Variants in BBOF1 observed in about 807,000 individuals in gnomAD.
BBOF1 encodes basal body orientation factor 1.
In BBOF1, 62 loss-of-function variants were observed where a neutral mutation model predicts 68.0. The ratio of observed to expected loss-of-function variants is 0.91; its 90% confidence interval spans 0.74 to 1.13. The LOEUF is 1.13. Ranked by LOEUF, BBOF1 falls within the 50% of genes most tolerant of loss-of-function variation. The probability of loss-of-function intolerance (pLI) is 0.00; values close to 1 mark genes in which losing one functional copy is unlikely to be tolerated. For synonymous variants in BBOF1, 208 were observed against 198.8 expected, an observed-to-expected ratio of 1.05 and a Z score of -0.39; for missense variants, 534 against 600.1, an observed-to-expected ratio of 0.89 and a Z score of 1.15.
Position 74,043,830 on chromosome 14 carries a change from G to A in BBOF1, c.577-2230G>A, listed in dbSNP as rs538090837. Among the ~76,000 whole-genome samples the A allele has an allele frequency of 4.0e-5, 6 of 151,800 alleles. No individual in the cohort carries two copies. The East Asian group carries it at 1.2e-3, about 30-fold the overall frequency. ...TTACAGGTGTGAGCCACCACTCCTG[G>A]CCTCTACATCCATATTTTTATATTG... On this transcript the variant is annotated intron_variant, in intron 5 of 11. Transcript: ENST00000394009.
At position 74,064,886 on chromosome 14, in the gene BBOF1, G is replaced by A. The variant is rs371278097; in HGVS notation, c.*187G>A. ...TCGAGAGCCGGTGAATGAGAACATTGGCAAAGGCACTGGAATGGGGACATT... is the reference window on the plus strand; with the variant it reads ...TCGAGAGCCGGTGAATGAGAACATTAGCAAAGGCACTGGAATGGGGACATT... On this transcript the variant is annotated 3_prime_UTR_variant, in exon 12 of 12. Transcript: ENST00000394009. 1.2e-6 allele frequency: 2 copies of A among 1,613,904 alleles called. No homozygotes were observed. The highest frequency in any genetic ancestry group is 1.3e-5 in the African/African-American group (1 of 74,872).
chr14:74,059,492 T>G (rs1781430604), intron 11 of BBOF1: 2 of 419,578 alleles, frequency 4.8e-6, no homozygotes, highest in South Asian at 3.4e-5. Flanking sequence ...GGTCAGGAGT[T>G]CGAGACCAGC....
downstream of BBOF1, among the ~76,000 whole-genome samples, chr14:74,068,577 G>GA (rs1055276091): frequency 7.9e-5 from 12 of 151,228 alleles, no homozygotes; most frequent in African/African-American, 2.4e-4. Context: ...TGTCTCTACT[G>GA]AAAAAAAATA....
Position 74,065,363 on chromosome 14 carries a change from G to T in BBOF1, c.*664G>T. On this transcript the variant is annotated 3_prime_UTR_variant, in exon 12 of 12. Coordinates refer to ENST00000394009, the MANE Select transcript of BBOF1 (RefSeq NM_025057.3). ...TCTTTGTAACAGGTCATATTTGGCT[G>T]CCAGGAGTGATGCATCCAGAAAAGA... 1 of 1,613,788 alleles carries T rather than the reference G, an allele frequency of 6.2e-7. No homozygotes were observed. The highest frequency in any genetic ancestry group is 1.1e-5 in the South Asian group (1 of 91,054).
At chr14:74,020,793 C>G (rs1279550044) in intron 1 of BBOF1, among the ~76,000 whole-genome samples, 1 of 152,142 alleles carries the variant, frequency 6.6e-6, no homozygotes. Context: ...CGTGAGCCAC[C>G]ATGCCCTGTC....
chr14:74,078,281 C>T (rs1595133515), exon 10 of BBOF1: 2 of 455,628 alleles, frequency 4.4e-6, no homozygotes, highest in East Asian at 6.9e-5. Context: ...GAGAAGGTAG[C>T]CAGCAAGCTC....
At chr14:74,031,209 G>C (rs1336731107) in intron 3 of BBOF1, among the ~76,000 whole-genome samples, 1 of 151,648 alleles carries the variant, frequency 6.6e-6, no homozygotes, top group Non-Finnish European at 1.5e-5. Context: ...AAACTATTGG[G>C]TTCAAGGGAT....
intron 9 of BBOF1, chr14:74,074,856 C>A: frequency 8.0e-7 from 1 of 1,257,598 alleles, no homozygotes. Context: ...TAGAAAGTTT[C>A]ACATACACTC....
At chr14:74,066,781 A>G, downstream of BBOF1, 5 of 1,614,006 alleles carry the variant, frequency 3.1e-6, no homozygotes, top group Non-Finnish European at 4.2e-6. Context: ...TCGTCCATCA[A>G]GAAGGATGGA....
At chr14:74,078,181 T>C (rs2060633671) in intron 9 of BBOF1, 1 of 455,742 alleles carries the variant, frequency 2.2e-6, no homozygotes, top group Non-Finnish European at 4.4e-6. Context: ...GCTGACTTTG[T>C]TTTTCTTACT....
chr14:74,054,349 C>G (rs1365168412), intron 8 of BBOF1, among the ~76,000 whole-genome samples: 1 of 149,834 alleles, frequency 6.7e-6, no homozygotes, highest in Admixed American at 6.7e-5. Context: ...GTCTGTGTCT[C>G]TAAATAAATA....
chr14:74,057,261 A>G lies in BBOF1; in HGVS notation c.1578+3A>G. ...AAGAACCTCAGGAGTCTGACACAGT[A>G]AGGAGTCTGTATCTAATCAAACAAT... is the stretch of plus-strand genomic sequence containing the variant. On this transcript the variant is annotated splice_donor_region_variant and intron_variant, in intron 11 of 11. Transcript: ENST00000394009. 1 of 1,614,102 alleles carries G rather than the reference A, an allele frequency of 6.2e-7. No homozygotes were observed. The highest frequency in any genetic ancestry group is 8.5e-7 in the Non-Finnish European group (1 of 1,179,970).
intron 9 of BBOF1, among the ~76,000 whole-genome samples, chr14:74,056,198 ATTT>A (rs34594924): frequency 9.7e-5 from 12 of 123,916 alleles, no homozygotes; most frequent in African/African-American, 3.1e-4. Context: ...CGCCCGGCTA[ATTT>A]TTTTTTTTTT....
chr14:74,022,632 G>T (rs999595973), intron 1 of BBOF1, among the ~76,000 whole-genome samples: 7 of 152,250 alleles, frequency 4.6e-5, no homozygotes, highest in Non-Finnish European at 8.8e-5. Flanking sequence ...GTCTTTTCGA[G>T]TTATGCTCCA....
At chr14:74,020,574 G>A (rs1047158389) in intron 1 of BBOF1, among the ~76,000 whole-genome samples, 1 of 151,896 alleles carries the variant, frequency 6.6e-6, no homozygotes, top group African/African-American at 2.4e-5. Context: ...CACGATCTCA[G>A]CTCACTGCAA....
chr14:74,037,154 T>TA (rs1330771578), intron 4 of BBOF1, among the ~76,000 whole-genome samples: 1 of 150,722 alleles, frequency 6.6e-6, no homozygotes, highest in Non-Finnish European at 1.5e-5. Context: ...TTGTATTTTT[T>TA]AGTAGAGACA....
Position 74,055,785 on chromosome 14 carries a change from G to A in BBOF1, c.1388+100G>A, listed in dbSNP as rs146886885. On this transcript the variant is annotated intron_variant, in intron 9 of 11. Transcript: ENST00000394009. ...TTTTCTTACTTAGAACTAAAGGGAC[G>A]GGAAAGGACCAGAAAATATAAAAAG... 1,567 of 831,650 alleles carry A rather than the reference G, an allele frequency of 1.9e-3. 12 individuals are homozygous for A. The highest frequency in any genetic ancestry group is 0.015 in the African/African-American group (858 of 57,972). The allele number at this position is 831,650 out of a possible 1,614,324, so 51.5% of individuals were successfully genotyped here. A position where few individuals can be genotyped will look rare whatever the true frequency, so the allele number is the denominator to read the frequency against.
chr14:74,075,785 A>T (rs2060606688), intron 9 of BBOF1, among the ~76,000 whole-genome samples: 1 of 152,254 alleles, frequency 6.6e-6, no homozygotes, highest in Non-Finnish European at 1.5e-5. Context: ...ATGAATGTTC[A>T]TAAGAACTTT....
At chr14:74,031,908 T>C (rs956171687) in intron 3 of BBOF1, 1 of 152,150 alleles carries the variant, frequency 6.6e-6, no homozygotes, top group African/African-American at 2.4e-5. Context: ...GTAAAGAGCT[T>C]CATGTATGTA....
Sources: gnomAD v4.1 joint callset for allele counts (sites outside exome capture counted in the v4.1 genomes callset) on GRCh38, gnomAD v4.1.1 for gene constraint, MANE v1.5 for transcripts, NCBI Gene and HGNC (gene_info 2026-07-23, HGNC 2026-07-21) for gene names.